Variants in PCDH17 observed in about 807,000 individuals in gnomAD.
PCDH17 encodes protocadherin-17.
In PCDH17, 21 loss-of-function variants were observed where a neutral mutation model predicts 67.7. The ratio of observed to expected loss-of-function variants is 0.31; its 90% CI spans 0.22 to 0.45. PCDH17 has a LOEUF of 0.45. Among genes scored for constraint, PCDH17 ranks in the 20% least tolerant of loss-of-function variants. PCDH17 has a pLI of 1.00. For missense variants in PCDH17, 1,471 were observed against 1,564.8 expected (o/e 0.94, Z 1.01); for synonymous variants, 701 against 656.7 (o/e 1.07, Z -1.03).
At chr13:57,670,030 T>C (rs1360348645) in intron 3 of PCDH17, among the ~76,000 whole-genome samples, 2 of 152,066 alleles carry the variant, frequency 1.3e-5, no homozygotes, top group African/African-American at 2.4e-5. Context: ...ATTCAGTAGA[T>C]ATTAAGTAAC....
Position 57,633,527 on chromosome 13 carries a change from G to A in PCDH17, c.981G>A (p.Gly327=). 1.9e-6 allele frequency: 3 copies of A among 1,613,866 alleles called. No homozygotes were observed. The highest frequency in any genetic ancestry group is 2.5e-6 in the Non-Finnish European group (3 of 1,180,022). Residue 327 remains glycine, a synonymous_variant, in exon 1 of 4, where the codon GGG becomes GGA. Transcript: ENST00000377918. The surrounding 1 kb of genome is among the most constrained non-coding windows in gnomAD (Gnocchi z 6.2). The part of the protein sequence containing the change: ...LEIDVQARDL[G]PNPIPAHCKV... The stretch of plus-strand genomic sequence containing the variant: ...TTGACGTGCAGGCCCGAGACCTGGG[G>A]CCTAACCCTATCCCAGCCCACTGCA...
At chr13:57,648,559 T>C (rs1954995882) in intron 1 of PCDH17, among the ~76,000 whole-genome samples, 1 of 151,988 alleles carries the variant, frequency 6.6e-6, no homozygotes, top group Non-Finnish European at 1.5e-5. Context: ...AAAGGCTTAA[T>C]GGGCAAGTGT....
intron 1 of PCDH17, among the ~76,000 whole-genome samples, chr13:57,655,793 A>G (rs760844027): frequency 1.3e-5 from 2 of 152,116 alleles, no homozygotes; most frequent in South Asian, 4.1e-4. Flanking sequence ...GTAGAAGTAC[A>G]GATTCTTTCA....
chr13:57,641,569 AAAAAAAAAAAAAAAAAAAATATATAT>A (rs1393683075), intron 1 of PCDH17, among the ~76,000 whole-genome samples: 2 of 22,092 alleles, frequency 9.1e-5, no homozygotes, highest in African/African-American at 5.7e-4. Context: ...AAAAAAAAAA[AAAAAAAAAAAAAAAAAAAATATATAT>A]ATATATATAT....
chr13:57,690,259 T>C (rs955153671), intron 3 of PCDH17, among the ~76,000 whole-genome samples: 1 of 151,762 alleles, frequency 6.6e-6, no homozygotes, highest in Non-Finnish European at 1.5e-5. Flanking sequence ...TTGGCATTAT[T>C]TGGGCACAAG....
chr13:57,706,153 G>T (rs556771810), intron 3 of PCDH17, among the ~76,000 whole-genome samples: 4 of 151,862 alleles, frequency 2.6e-5, no homozygotes, highest in Non-Finnish European at 5.9e-5. Context: ...TTAATTTGTA[G>T]ACATTTTAAG....
chr13:57,661,723 C>T (rs751381501), intron 1 of PCDH17, among the ~76,000 whole-genome samples: 1 of 152,050 alleles, frequency 6.6e-6, no homozygotes, highest in Admixed American at 6.6e-5. Flanking sequence ...TATATTGAAT[C>T]GTCTTTTCAA....
intron 1 of PCDH17, among the ~76,000 whole-genome samples, chr13:57,646,862 C>T (rs1566219683): frequency 6.6e-6 from 1 of 151,718 alleles, no homozygotes; most frequent in Non-Finnish European, 1.5e-5. Flanking sequence ...AAATATTTGG[C>T]ATTTTTGAAA....
Position 57,634,761 on chromosome 13 carries a change from A to C in PCDH17, c.2215A>C (p.Thr739Pro). 4 of 1,614,056 alleles carry C rather than the reference A, an allele frequency of 2.5e-6. No individual in the cohort carries two copies. The highest frequency in any genetic ancestry group is 3.4e-6 in the Non-Finnish European group (4 of 1,180,016). Residue 739 changes from threonine (T) to proline (P), a missense_variant, in exon 1 of 4, where the codon ACT becomes CCT. Thr to Pro is a conservative substitution (Grantham distance 38). Around this residue, in one of 3 missense-constraint regions of PCDH17, gnomAD observed 1,163 missense variants for 1,230.0 expected, o/e 0.95. Transcript: ENST00000377918. The surrounding 1 kb of genome is among the most constrained non-coding windows in gnomAD (Gnocchi z 7.8). Reference sequence around the variant, plus strand: ...CAAGCGCGAGAACAAGGAGATCCGCACTTACAACTGCCGCATCGCCGAGTA... The same window carrying C: ...CAAGCGCGAGAACAAGGAGATCCGCCCTTACAACTGCCGCATCGCCGAGTA... ...KCKRENKEIR[T>P]YNCRIAEYSH...
intron 3 of PCDH17, among the ~76,000 whole-genome samples, chr13:57,679,015 T>C (rs2138044492): frequency 6.6e-6 from 1 of 151,532 alleles, no homozygotes; most frequent in African/African-American, 2.4e-5. Flanking sequence ...ATCAAACACA[T>C]TAACATTGTG....
chr13:57,715,180 C>G (rs1955807459), intron 3 of PCDH17, among the ~76,000 whole-genome samples: 1 of 151,814 alleles, frequency 6.6e-6, no homozygotes, highest in African/African-American at 2.4e-5. Context: ...GTAAACAATG[C>G]ATATCTCACA....
rs535341073 is a variant in PCDH17, at chr13:57,708,597, T to G, written c.2798-16015T>G. ...AAAATAGGACAGAAACACACACAAA[T>G]TAAACACAAAGCCAGGGGAAAAAGA... On this transcript the variant is annotated intron_variant, in intron 3 of 3. Transcript: ENST00000377918. Among the ~76,000 whole-genome samples, 36 of 151,992 alleles carry G rather than the reference T, an allele frequency of 2.4e-4. No homozygotes were observed. In the South Asian group the frequency reaches 2.9e-3, roughly 12 times the overall value.
intron 3 of PCDH17, among the ~76,000 whole-genome samples, chr13:57,694,413 ACTTT>A (rs1287605733): frequency 1.3e-5 from 2 of 151,202 alleles, no homozygotes; most frequent in Admixed American, 1.3e-4. Context: ...AGAATGAAGG[ACTTT>A]CTTTCCTTTT....
chr13:57,720,798 C>T (rs988844859), intron 3 of PCDH17, among the ~76,000 whole-genome samples: 1 of 151,978 alleles, frequency 6.6e-6, no homozygotes, highest in African/African-American at 2.4e-5. Context: ...GCAAGTACTA[C>T]AGTCTTTTGA....
chr13:57,681,529 C>T (rs1955450606), intron 3 of PCDH17, among the ~76,000 whole-genome samples: 1 of 151,680 alleles, frequency 6.6e-6, no homozygotes. Flanking sequence ...TACCTTTACC[C>T]AGAATAATCT....
At chr13:57,656,919 G>A (rs942634949) in intron 1 of PCDH17, among the ~76,000 whole-genome samples, 3 of 152,012 alleles carry the variant, frequency 2.0e-5, no homozygotes, top group African/African-American at 7.2e-5. Flanking sequence ...GTTGGCCCTG[G>A]GATTCGCAAT....
At chr13:57,641,939 A>C (rs1023888591) in intron 1 of PCDH17, among the ~76,000 whole-genome samples, 7 of 151,636 alleles carry the variant, frequency 4.6e-5, no homozygotes, top group Non-Finnish European at 1.0e-4. Context: ...AATCTACATA[A>C]ATAGACTTTG....
chr13:57,653,505 A>G (rs1245123741), intron 1 of PCDH17, among the ~76,000 whole-genome samples: 1 of 152,142 alleles, frequency 6.6e-6, no homozygotes, highest in Non-Finnish European at 1.5e-5. Flanking sequence ...CATAATACTT[A>G]CTCATATTGA....
chr13:57,645,944 T>C (rs536268338), intron 1 of PCDH17, among the ~76,000 whole-genome samples: 1 of 151,624 alleles, frequency 6.6e-6, no homozygotes, highest in African/African-American at 2.4e-5. Context: ...AACCTGGTTT[T>C]ATTTGTGGAA....
Sources: allele counts gnomAD v4.1 joint callset (sites outside exome capture counted in the v4.1 genomes callset), GRCh38; gene constraint gnomAD v4.1.1; regional missense constraint gnomAD v4.1.1; non-coding constraint Gnocchi (gnomAD v3.1); transcripts MANE v1.5; gene names NCBI Gene and HGNC (gene_info 2026-07-23, HGNC 2026-07-21).